Variants in WWOX observed in about 807,000 individuals in gnomAD.
WWOX encodes WW domain containing oxidoreductase, also known as WW domain-containing oxidoreductase.
In WWOX, 69 loss-of-function variants were observed where a neutral mutation model predicts 46.2. That is an observed-to-expected ratio of 1.49 (90% CI 1.23 to 1.82). WWOX has a LOEUF of 1.82. Ranked by LOEUF, WWOX falls within the 40% of genes most tolerant of loss-of-function variation. WWOX has a pLI of 0.00. For synonymous variants in WWOX, 359 were observed against 202.6 expected, an observed-to-expected ratio of 1.77 and a Z score of -6.56; for missense variants, 919 against 542.6, an observed-to-expected ratio of 1.69 and a Z score of -6.89.
chr16:78,246,279 T>C (rs8048681), intron 5 of WWOX, among the ~76,000 whole-genome samples: 38,565 of 152,130 alleles, frequency 0.25, 6,083 homozygotes, highest in African/African-American at 0.45. Flanking sequence ...GAGCTGTGTA[T>C]GGAAAAAGCC....
intron 8 of WWOX, among the ~76,000 whole-genome samples, chr16:79,029,956 A>G (rs1303135075): frequency 6.6e-6 from 1 of 152,172 alleles, no homozygotes; most frequent in Non-Finnish European, 1.5e-5. Flanking sequence ...GTGTTTTATA[A>G]TTTCTTGATG....
At chr16:79,065,747 A>G (rs147799490) in intron 8 of WWOX, among the ~76,000 whole-genome samples, 31 of 152,284 alleles carry the variant, frequency 2.0e-4, no homozygotes, top group Non-Finnish European at 4.1e-4. Context: ...TCTTGCTTTA[A>G]GATTAAAGTA....
chr16:78,714,214 A>G (rs1018355780), intron 8 of WWOX, among the ~76,000 whole-genome samples: 9 of 152,208 alleles, frequency 5.9e-5, no homozygotes, highest in African/African-American at 1.7e-4. Context: ...TAGTGAAGAC[A>G]TACCTGAGAT....
At chr16:78,949,643 G>T (rs1051671811) in intron 8 of WWOX, among the ~76,000 whole-genome samples, 1 of 152,170 alleles carries the variant, frequency 6.6e-6, no homozygotes, top group African/African-American at 2.4e-5. Context: ...CCTCTCCAAG[G>T]CTCGTGTTAA....
intron 8 of WWOX, among the ~76,000 whole-genome samples, chr16:78,966,383 A>G (rs546414366): frequency 3.0e-4 from 46 of 152,302 alleles, no homozygotes; most frequent in African/African-American, 1.1e-3. Context: ...ATTTGTAATC[A>G]TACTGTCTAT....
intron 5 of WWOX, among the ~76,000 whole-genome samples, chr16:78,377,557 C>T (rs904730655): frequency 6.6e-6 from 1 of 152,190 alleles, no homozygotes; most frequent in Admixed American, 6.5e-5. Context: ...GCTCTTACTT[C>T]AATAGCAAGG....
chr16:78,569,086 G>C (rs909076341), intron 8 of WWOX, among the ~76,000 whole-genome samples: 2 of 152,232 alleles, frequency 1.3e-5, no homozygotes, highest in African/African-American at 4.8e-5. Context: ...CTCTGTCTGA[G>C]GAACACTCAG....
At chr16:78,547,465 G>C (rs2044068267) in intron 8 of WWOX, among the ~76,000 whole-genome samples, 1 of 152,164 alleles carries the variant, frequency 6.6e-6, no homozygotes, top group Non-Finnish European at 1.5e-5. Flanking sequence ...CATTTGCCTA[G>C]TGTTGACTGT....
At chr16:78,221,101 T>A (rs2036872522) in intron 5 of WWOX, among the ~76,000 whole-genome samples, 1 of 152,222 alleles carries the variant, frequency 6.6e-6, no homozygotes, top group African/African-American at 2.4e-5. Context: ...GCTCGGTTCA[T>A]CTGGATTTTA....
chr16:78,822,683 C>A (rs6420407), intron 8 of WWOX, among the ~76,000 whole-genome samples: 96,941 of 151,990 alleles, frequency 0.64, 31,084 homozygotes, highest in Middle Eastern at 0.69. Flanking sequence ...AGTTACATTG[C>A]TGGGTGAAAG....
intron 6 of WWOX, among the ~76,000 whole-genome samples, chr16:78,399,410 C>A (rs13335035): frequency 0.032 from 4,795 of 152,222 alleles, 257 homozygotes; most frequent in African/African-American, 0.11. Context: ...CAAAGGTTTT[C>A]TTACAAGGAA....
chr16:78,280,779 G>C (rs1220999974), intron 5 of WWOX: 4 of 152,182 alleles, frequency 2.6e-5, no homozygotes, highest in Non-Finnish European at 5.9e-5. Context: ...TGAAGCAAAT[G>C]TGACCGATTT....
intron 5 of WWOX, among the ~76,000 whole-genome samples, chr16:78,372,431 C>G (rs1454069960): frequency 6.6e-6 from 1 of 152,084 alleles, no homozygotes; most frequent in African/African-American, 2.4e-5. Flanking sequence ...TCTCCATTTT[C>G]AAAAGAAAAG....
At chr16:78,408,723 A>G (rs1175852720) in intron 6 of WWOX, among the ~76,000 whole-genome samples, 1 of 152,178 alleles carries the variant, frequency 6.6e-6, no homozygotes, top group East Asian at 1.9e-4. Context: ...AGATACAGCT[A>G]ATTTGCAGAT....
At chr16:78,538,112 A>G (rs1277075245) in intron 8 of WWOX, among the ~76,000 whole-genome samples, 4 of 151,492 alleles carry the variant, frequency 2.6e-5, no homozygotes, top group Non-Finnish European at 5.9e-5. Flanking sequence ...GGAAGAACAA[A>G]TTTAAGTTTG....
intron 6 of WWOX, among the ~76,000 whole-genome samples, chr16:78,414,793 TTAAACTA>T (rs1213137411): frequency 5.3e-5 from 8 of 152,288 alleles, no homozygotes; most frequent in African/African-American, 1.9e-4. Context: ...AAGCTGTTAT[TTAAACTA>T]TAAACGAAAT....
At chr16:78,772,986 C>T (rs2050100845) in intron 8 of WWOX, among the ~76,000 whole-genome samples, 1 of 152,170 alleles carries the variant, frequency 6.6e-6, no homozygotes, top group Admixed American at 6.5e-5. Flanking sequence ...CATCATGCCG[C>T]TGTGCTCCAG....
At chr16:78,389,291 C>T (rs12930880) in intron 6 of WWOX, among the ~76,000 whole-genome samples, 5 of 152,020 alleles carry the variant, frequency 3.3e-5, no homozygotes, top group East Asian at 1.9e-4. Context: ...TTTATCCACC[C>T]GTTCCTTCAC....
intron 5 of WWOX, chr16:78,179,899 G>C (rs2035474615): frequency 6.6e-6 from 1 of 152,222 alleles, no homozygotes; most frequent in South Asian, 2.1e-4. Flanking sequence ...TTTACTGAGT[G>C]AGTGAGAGGG....
Sources: allele counts gnomAD v4.1 joint callset (sites outside exome capture counted in the v4.1 genomes callset), GRCh38; gene constraint gnomAD v4.1.1; transcripts MANE v1.5; gene names NCBI Gene and HGNC (gene_info 2026-07-23, HGNC 2026-07-21).